Variants in FMNL2 observed in about 807,000 individuals in gnomAD.
FMNL2 encodes the protein formin-like protein 2.
A neutral mutation model predicts 130.2 loss-of-function variants in FMNL2; 51 were observed. That is an observed-to-expected ratio of 0.39 (90% CI 0.31 to 0.49). The LOEUF is 0.49. Among genes scored for constraint, FMNL2 ranks in the 20% least tolerant of loss-of-function variants. The probability of loss-of-function intolerance (pLI) is 0.85; values close to 1 mark genes in which losing one functional copy is unlikely to be tolerated. For synonymous variants in FMNL2, 465 were observed against 467.1 expected (o/e 1.00, Z 0.06); for missense variants, 977 against 1,316.2 (o/e 0.74, Z 3.99).
Position 152,378,030 on chromosome 2 carries a change from T to G in FMNL2, c.117+42310T>G, listed in dbSNP as rs181964600. 3.3e-5 allele frequency among the ~76,000 whole-genome samples: 5 copies of G among 151,080 alleles called. No homozygotes were observed. The East Asian group carries it at 9.7e-4, about 29-fold the overall frequency. On this transcript the variant is annotated intron_variant, in intron 1 of 25. Coordinates refer to ENST00000288670, the MANE Select transcript of FMNL2 (RefSeq NM_052905.4). ...GGGAGGCTGAGGTGGTAGGATTGCT[T>G]GAACCCGGGAGGTGGAGGTTGCAGT...
intron 9 of FMNL2, 140 bp from the exon 10 acceptor site, chr2:152,607,199 G>A: frequency 1.5e-6 from 1 of 682,266 alleles, no homozygotes. Flanking sequence ...GAGTTAACTA[G>A]CTTAGAAGGG....
intron 4 of FMNL2, 147 bp downstream of exon 4, chr2:152,549,244 A>T: frequency 4.1e-6 from 2 of 493,546 alleles, no homozygotes; most frequent in Non-Finnish European, 7.0e-6. Context: ...GTTAGTACTC[A>T]AATTACTTAC....
intron 1 of FMNL2, among the ~76,000 whole-genome samples, chr2:152,520,345 G>A (rs1367624793): frequency 2.6e-5 from 4 of 152,126 alleles, no homozygotes; most frequent in East Asian, 1.9e-4. Flanking sequence ...TGTAATCCCC[G>A]CACTTTGGGA....
chr2:152,389,859 C>A, intron 1 of FMNL2: 1 of 1,059,648 alleles, frequency 9.4e-7, no homozygotes, highest in Non-Finnish European at 1.5e-6. Context: ...CTTTCAGCCA[C>A]GACAATCAGC....
chr2:152,507,293 G>A (rs1417313995), intron 1 of FMNL2, among the ~76,000 whole-genome samples: 3 of 152,230 alleles, frequency 2.0e-5, no homozygotes, highest in African/African-American at 7.2e-5. Context: ...TTATGTCTGT[G>A]TGTGAGAAGC....
chr2:152,525,127 A>G (rs1452946460), intron 2 of FMNL2, among the ~76,000 whole-genome samples: 2 of 152,232 alleles, frequency 1.3e-5, no homozygotes, highest in Non-Finnish European at 2.9e-5. Flanking sequence ...TCTGTTTCCA[A>G]ACTCTACTCA....
At chr2:152,408,996 A>T (rs1686145046) in intron 1 of FMNL2, among the ~76,000 whole-genome samples, 1 of 152,000 alleles carries the variant, frequency 6.6e-6, no homozygotes, top group Non-Finnish European at 1.5e-5. Context: ...TTAAAACAAC[A>T]AAGAACTAGA....
chr2:152,504,377 G>A (rs184203809), intron 1 of FMNL2, among the ~76,000 whole-genome samples: 6 of 151,940 alleles, frequency 3.9e-5, no homozygotes, highest in African/African-American at 1.2e-4. Context: ...CTCCTGAGTA[G>A]CTGGGATTAC....
intron 1 of FMNL2, among the ~76,000 whole-genome samples, chr2:152,473,316 AC>A (rs1274876304): frequency 6.6e-6 from 1 of 151,746 alleles, no homozygotes; most frequent in Non-Finnish European, 1.5e-5. Flanking sequence ...CCATTCTCCC[AC>A]CCCAGCCTCC....
At chr2:152,565,077 T>C (rs2105624581) in intron 6 of FMNL2, among the ~76,000 whole-genome samples, 1 of 152,288 alleles carries the variant, frequency 6.6e-6, no homozygotes, top group East Asian at 1.9e-4. Flanking sequence ...GCTAGCTAAA[T>C]TTAACAATGC....
chr2:152,632,680 A>G (rs1438493205), intron 21 of FMNL2, among the ~76,000 whole-genome samples: 1 of 152,216 alleles, frequency 6.6e-6, no homozygotes, highest in Non-Finnish European at 1.5e-5. Context: ...GAGAAAATTG[A>G]GATTTTTCGA....
intron 25 of FMNL2, 126 bp from the exon 26 acceptor site, chr2:152,647,670 T>C (rs1456084720): frequency 6.2e-6 from 5 of 801,410 alleles, no homozygotes; most frequent in African/African-American, 3.4e-5. Flanking sequence ...CTCAGTGAGT[T>C]TGAAGGGCCC....
rs189130360 is a variant in FMNL2, at chr2:152,499,371, C to G, written c.118-22572C>G. 1.6e-3 allele frequency among the ~76,000 whole-genome samples: 244 copies of G among 152,348 alleles called. 1 individual carries two copies. The highest frequency in any genetic ancestry group is 2.3e-3 in the Non-Finnish European group (159 of 68,036). ...TCCAGCCTTGAGGCCTGGCTTCCCT[C>G]TCTCTGCAGGCCTCTTGCTGGTTGC... On this transcript the variant is annotated intron_variant, in intron 1 of 25. Coordinates refer to ENST00000288670, the MANE Select transcript of FMNL2 (RefSeq NM_052905.4).
intron 5 of FMNL2, among the ~76,000 whole-genome samples, chr2:152,559,915 T>A (rs898925239): frequency 4.6e-5 from 7 of 152,244 alleles, no homozygotes; most frequent in Non-Finnish European, 1.0e-4. Context: ...CATCTATCTC[T>A]GCTATCTGAT....
chr2:152,615,481 G>C (rs748684110), intron 12 of FMNL2, among the ~76,000 whole-genome samples: 4 of 152,142 alleles, frequency 2.6e-5, no homozygotes, highest in Non-Finnish European at 5.9e-5. Flanking sequence ...TTCAACAATA[G>C]GCATTTTCAA....
intron 1 of FMNL2, among the ~76,000 whole-genome samples, chr2:152,357,106 ATCACGATAAATATTACATCAGTTTAATG>A (rs1560293650): frequency 3.0e-5 from 4 of 134,924 alleles, no homozygotes; most frequent in African/African-American, 1.2e-4. Context: ...AGTTTAATGT[ATCACGATAAATATTACATCAGTTTAATG>A]TATCACGATA....
chr2:152,519,874 A>G (rs867435371), intron 1 of FMNL2, among the ~76,000 whole-genome samples: 13 of 152,256 alleles, frequency 8.5e-5, no homozygotes, highest in Middle Eastern at 6.8e-3. Flanking sequence ...GAGGAAAAGA[A>G]CTCATTTAAT....
chr2:152,555,364 T>C (rs1028486942), intron 4 of FMNL2, among the ~76,000 whole-genome samples: 7 of 152,166 alleles, frequency 4.6e-5, no homozygotes, highest in African/African-American at 1.7e-4. Context: ...TCAACTTCAG[T>C]TCCCAACATA....
At chr2:152,448,214 A>AC (rs1453857443) in intron 1 of FMNL2, among the ~76,000 whole-genome samples, 9 of 152,120 alleles carry the variant, frequency 5.9e-5, no homozygotes, top group South Asian at 2.1e-4. Context: ...TAAAAAAAAA[A>AC]AAACACATAA....
Sources: allele counts gnomAD v4.1 joint callset (sites outside exome capture counted in the v4.1 genomes callset), GRCh38; gene constraint gnomAD v4.1.1; transcripts MANE v1.5; gene names NCBI Gene and HGNC (gene_info 2026-07-23, HGNC 2026-07-21).